Variants in GOSR1 observed in about 807,000 individuals in gnomAD.
GOSR1 encodes 28 kDa Golgi SNARE protein.
Under a neutral mutation model 35.5 loss-of-function variants are expected in GOSR1, and 21 were observed. The ratio of observed to expected loss-of-function variants is 0.59; its 90% CI spans 0.42 to 0.85. The LOEUF (loss-of-function observed/expected upper bound fraction) is 0.85. Among genes scored for constraint, GOSR1 ranks in the 40% least tolerant of loss-of-function variants. GOSR1 has a pLI of 0.00. For synonymous variants in GOSR1, 94 were observed against 106.6 expected (o/e 0.88, Z 0.73); for missense variants, 285 against 309.6 (o/e 0.92, Z 0.60).
Position 30,522,557 on chromosome 17 carries a change from G to A in GOSR1, c.*179G>A. 4.5e-6 allele frequency: 2 copies of A among 443,858 alleles called. No individual in the cohort carries two copies. Among genetic ancestry groups the A allele is most frequent in the Non-Finnish European group, 8.0e-6 (2 of 251,172 alleles). 27.5% of individuals were successfully genotyped at this position (443,858 alleles called of 1,614,324 possible). Reference sequence around the variant, plus strand: ...GTTGAGCTGAAGCCACAGTTTCTCTGTGCTGTGTTTTCTAACACATTTTTC... The same window carrying A: ...GTTGAGCTGAAGCCACAGTTTCTCTATGCTGTGTTTTCTAACACATTTTTC... On this transcript the variant is annotated 3_prime_UTR_variant, in exon 9 of 9. Coordinates refer to ENST00000451249, the MANE Select transcript of GOSR1 (RefSeq NM_001007025.2).
Position 30,490,193 on chromosome 17 carries a change from TG to T in GOSR1, c.413del (p.Gly138AspfsTer16). The T allele has an allele frequency of 6.5e-7, 1 of 1,534,470 alleles. No individual in the cohort carries two copies. Among genetic ancestry groups the T allele is most frequent in the Non-Finnish European group, 9.0e-7 (1 of 1,107,588 alleles). On this transcript the variant is annotated frameshift_variant, in exon 5 of 9. Transcript: ENST00000451249. LOFTEE classifies it high-confidence loss of function. Reference sequence around the variant, plus strand: ...GCAATACGGGAAAGGGAGAATCTTATGGGATCAGTACGAAAAGATATTGAGT... The same window carrying T: ...GCAATACGGGAAAGGGAGAATCTTATGGATCAGTACGAAAAGATATTGAGT... ...FMAIRERENL[M>X]GSVRKDIESY...
intron 2 of GOSR1, chr17:30,482,869 A>G (rs1214295356): frequency 6.6e-6 from 1 of 152,220 alleles, no homozygotes; most frequent in Non-Finnish European, 1.5e-5. Flanking sequence ...TGTGTGCTTC[A>G]TGAACTAATA....
intron 4 of GOSR1, chr17:30,485,194 C>A: frequency 4.0e-5 from 8 of 199,710 alleles, no homozygotes; most frequent in South Asian, 1.6e-4. Flanking sequence ...TGTGTATGCA[C>A]CAATAAAACT....
intron 7 of GOSR1, among the ~76,000 whole-genome samples, chr17:30,516,144 T>TATTGTAAC (rs1454838354): frequency 6.6e-6 from 1 of 151,560 alleles, no homozygotes; most frequent in Admixed American, 6.6e-5. Context: ...ACAGTGTTCT[T>TATTGTAAC]ATTGTAACAA....
intron 1 of GOSR1, among the ~76,000 whole-genome samples, chr17:30,480,658 A>G (rs1353792503): frequency 6.6e-6 from 1 of 151,694 alleles, no homozygotes; most frequent in Non-Finnish European, 1.5e-5. Context: ...TCTGAAGTTT[A>G]TAAGTGACTA....
intron 6 of GOSR1, among the ~76,000 whole-genome samples, chr17:30,503,863 G>T (rs969018573): frequency 1.6e-4 from 25 of 152,128 alleles, no homozygotes; most frequent in African/African-American, 6.0e-4. Flanking sequence ...CAGGACTCCT[G>T]CGTACTCATG....
rs1332139860 is a variant in GOSR1, at chr17:30,524,296, C to A, written c.*1918C>A. On this transcript the variant is annotated 3_prime_UTR_variant, in exon 9 of 9. Transcript: ENST00000451249. ...AAATCACAAGTTCTTTCTTGATGAT[C>A]TGTGCTATAGATTTCTACTCTGTCT... is the stretch of plus-strand genomic sequence containing the variant. 6.6e-6 allele frequency: 1 copy of A among 152,192 alleles called. No individual in the cohort carries two copies. Among genetic ancestry groups the A allele is most frequent in the African/African-American group, 2.4e-5 (1 of 41,416 alleles). 9.4% of individuals were successfully genotyped at this position (152,192 alleles called of 1,614,324 possible). A position where few individuals can be genotyped will look rare whatever the true frequency, so the allele number is the denominator to read the frequency against.
rs1968111873 is a variant in GOSR1, at chr17:30,523,385, AC to A, written c.*1011del. ...AGGTGAGGAGCGTCTCTGTCTGGCCACCCCGTCTGAGAAGTGAGGAGACCTC... is the reference window on the plus strand; with the variant it reads ...AGGTGAGGAGCGTCTCTGTCTGGCCACCCGTCTGAGAAGTGAGGAGACCTC... On this transcript the variant is annotated 3_prime_UTR_variant, in exon 9 of 9. Transcript: ENST00000451249. The A allele has an allele frequency of 6.0e-6, 1 of 167,212 alleles. No homozygotes were observed. The highest frequency in any genetic ancestry group is 1.2e-5 in the Non-Finnish European group (1 of 80,872). The allele number at this position is 167,212 out of a possible 1,614,324, so 10.4% of individuals were successfully genotyped here. A position where few individuals can be genotyped will look rare whatever the true frequency, so the allele number is the denominator to read the frequency against.
At chr17:30,521,771 A>T (rs773113846) in intron 8 of GOSR1, among the ~76,000 whole-genome samples, 1 of 152,164 alleles carries the variant, frequency 6.6e-6, no homozygotes, top group African/African-American at 2.4e-5. Context: ...GGAAAAGATC[A>T]GGTATTTCTT....
At chr17:30,482,585 C>G (rs747992939) in intron 2 of GOSR1, among the ~76,000 whole-genome samples, 4 of 152,138 alleles carry the variant, frequency 2.6e-5, no homozygotes, top group Non-Finnish European at 5.9e-5. Context: ...GAAATCTGAG[C>G]TTAGATTTGA....
intron 3 of GOSR1, 22 bp from the exon 4 acceptor site, chr17:30,484,641 T>TG (rs564100216): frequency 8.7e-7 from 1 of 1,152,794 alleles, no homozygotes; most frequent in East Asian, 2.6e-5. Flanking sequence ...ATTTTGATTG[T>TG]TTTTTTTTTC....
At chr17:30,501,483 A>G (rs1255569835) in intron 6 of GOSR1, among the ~76,000 whole-genome samples, 10 of 151,422 alleles carry the variant, frequency 6.6e-5, no homozygotes, top group African/African-American at 2.4e-4. Context: ...ACACTTACGC[A>G]GTTTTGTTTT....
chr17:30,503,243 G>A (rs1289376378), intron 6 of GOSR1, among the ~76,000 whole-genome samples: 1 of 152,166 alleles, frequency 6.6e-6, no homozygotes, highest in Non-Finnish European at 1.5e-5. Flanking sequence ...CTCTTGAAAT[G>A]TGTGCCTTTT....
intron 6 of GOSR1, chr17:30,495,362 C>T (rs1966956284): frequency 2.2e-6 from 1 of 444,470 alleles, no homozygotes; most frequent in Non-Finnish European, 4.5e-6. Flanking sequence ...TCTCTAGAAG[C>T]ATTTTGTCAT....
At chr17:30,496,113 T>C (rs1376379740) in intron 6 of GOSR1, among the ~76,000 whole-genome samples, 1 of 152,210 alleles carries the variant, frequency 6.6e-6, no homozygotes, top group Non-Finnish European at 1.5e-5. Flanking sequence ...GTATCCCTCT[T>C]TACCCCTTTC....
intron 6 of GOSR1, among the ~76,000 whole-genome samples, chr17:30,508,454 A>T (rs1037635934): frequency 4.6e-5 from 7 of 152,228 alleles, no homozygotes; most frequent in African/African-American, 1.7e-4. Context: ...AACCCAAGTT[A>T]ACCCCCTTTT....
intron 2 of GOSR1, among the ~76,000 whole-genome samples, chr17:30,481,684 T>C (rs1483256873): frequency 6.6e-6 from 1 of 152,256 alleles, no homozygotes; most frequent in Non-Finnish European, 1.5e-5. Context: ...GGGTATCTAA[T>C]GCACTGTGTA....
intron 6 of GOSR1, 27 bp downstream of exon 6, chr17:30,492,780 G>T: frequency 7.5e-7 from 1 of 1,329,936 alleles, no homozygotes; most frequent in Non-Finnish European, 1.1e-6. Flanking sequence ...TGTGCATTAT[G>T]TGGTTTTCCA....
rs371846075 is a variant in GOSR1, at chr17:30,515,880, A to G, written c.540-4059A>G. On this transcript the variant is annotated intron_variant, in intron 7 of 8. Transcript: ENST00000451249. ...GAATAGGCCTAAAAGTATTGGGAAG[A>G]TGGGATTGTCAGCATTAAAACACAT... Among the ~76,000 whole-genome samples, 75 of 152,334 alleles carry G rather than the reference A, an allele frequency of 4.9e-4. 1 individual carries two copies. Among genetic ancestry groups the G allele is most frequent in the African/African-American group, 1.6e-3 (67 of 41,578 alleles).
Sources: gnomAD v4.1 joint callset for allele counts (sites outside exome capture counted in the v4.1 genomes callset) on GRCh38, gnomAD v4.1.1 for gene constraint, MANE v1.5 for transcripts, NCBI Gene and HGNC (gene_info 2026-07-23, HGNC 2026-07-21) for gene names.